The following RASGRP1 variants were observed in gnomAD, a reference collection of about 807,000 sequenced individuals.
The protein encoded by RASGRP1 is RAS guanyl releasing protein 1.
In RASGRP1, 37 loss-of-function variants were observed where a neutral mutation model predicts 95.1. The ratio of observed to expected loss-of-function variants is 0.39; its 90% confidence interval spans 0.30 to 0.51. RASGRP1 has a LOEUF of 0.51. Among genes scored for constraint, RASGRP1 ranks in the 20% least tolerant of loss-of-function variants. The pLI is 0.80. For synonymous variants in RASGRP1, 325 were observed against 353.4 expected (o/e 0.92, Z 0.90); for missense variants, 711 against 965.4 (o/e 0.74, Z 3.49).
intron 12 of RASGRP1, 143 bp from the exon 13 acceptor site, chr15:38,501,430 TG>T (rs1891016287): frequency 2.1e-6 from 2 of 935,738 alleles, no homozygotes; most frequent in Non-Finnish European, 1.7e-6. Context: ...ATTACTTCCA[TG>T]GGCCCTACTC....
At chr15:38,542,037 G>A (rs1284727654) in intron 2 of RASGRP1, among the ~76,000 whole-genome samples, 1 of 152,102 alleles carries the variant, frequency 6.6e-6, no homozygotes, top group African/African-American at 2.4e-5. Flanking sequence ...AACTAAGGCT[G>A]GGCCTGGGGT....
chr15:38,505,211 T>C (rs1891204446), intron 10 of RASGRP1, among the ~76,000 whole-genome samples: 1 of 152,082 alleles, frequency 6.6e-6, no homozygotes, highest in Non-Finnish European at 1.5e-5. Flanking sequence ...ACTGAAGTGA[T>C]TTTACTTGCC....
At chr15:38,560,362 C>A in intron 1 of RASGRP1, 1 of 265,042 alleles carries the variant, frequency 3.8e-6, no homozygotes, top group Non-Finnish European at 7.3e-6. Context: ...TGACTTGAAT[C>A]TTAAAAATTA....
chr15:38,537,916 C>G (rs747214286), intron 2 of RASGRP1, among the ~76,000 whole-genome samples: 2 of 152,178 alleles, frequency 1.3e-5, no homozygotes, highest in Non-Finnish European at 2.9e-5. Context: ...GAATCTCTTA[C>G]TATTCAAAGG....
intron 2 of RASGRP1, among the ~76,000 whole-genome samples, chr15:38,555,136 C>T (rs573330147): frequency 7.2e-5 from 11 of 152,300 alleles, no homozygotes; most frequent in Admixed American, 2.6e-4. Flanking sequence ...TTGCCTTTTG[C>T]GGCTCCCATT....
Position 38,523,290 on chromosome 15 carries a change from C to T in RASGRP1, c.326+3009G>A, listed in dbSNP as rs189214080. ...AGTTGAAAAATTCCTATTGCCTCAT[C>T]CTGTCTTCATAATCCTGACCCAATA... On this transcript the variant is annotated intron_variant, in intron 3 of 16. Coordinates refer to ENST00000310803, the MANE Select transcript of RASGRP1 (RefSeq NM_005739.4). Among the ~76,000 whole-genome samples the T allele has an allele frequency of 3.2e-3, 491 of 152,288 alleles. 7 individuals carry two copies. The highest frequency in any genetic ancestry group is 0.011 in the African/African-American group (459 of 41,550).
intron 2 of RASGRP1, among the ~76,000 whole-genome samples, chr15:38,536,576 G>C (rs1232478781): frequency 6.6e-6 from 1 of 152,162 alleles, no homozygotes; most frequent in Non-Finnish European, 1.5e-5. Flanking sequence ...GAGAATTACT[G>C]GTTAGCCATG....
At chr15:38,515,906 AGAGAGT>A (rs1053835695) in intron 6 of RASGRP1, among the ~76,000 whole-genome samples, 1 of 123,344 alleles carries the variant, frequency 8.1e-6, no homozygotes, top group Non-Finnish European at 1.9e-5. Flanking sequence ...AGAGAGAGAG[AGAGAGT>A]GTGTGTGTGT....
At chr15:38,555,892 A>G (rs916001104) in intron 2 of RASGRP1, among the ~76,000 whole-genome samples, 3 of 152,080 alleles carry the variant, frequency 2.0e-5, no homozygotes. Flanking sequence ...GCCCGTTCTG[A>G]GGCAGGTGTG....
chr15:38,551,906 G>T (rs1016436496), intron 2 of RASGRP1, among the ~76,000 whole-genome samples: 2 of 152,176 alleles, frequency 1.3e-5, no homozygotes, highest in East Asian at 3.8e-4. Context: ...CAAAAGCTTG[G>T]TTATAGACAC....
At chr15:38,542,923 A>G (rs535916088) in intron 2 of RASGRP1, among the ~76,000 whole-genome samples, 3 of 146,598 alleles carry the variant, frequency 2.0e-5, no homozygotes, top group African/African-American at 7.4e-5. Context: ...ATATGTGTGT[A>G]TATATATGTG....
intron 1 of RASGRP1, among the ~76,000 whole-genome samples, chr15:38,562,804 A>C (rs1893865767): frequency 6.6e-6 from 1 of 152,166 alleles, no homozygotes; most frequent in Admixed American, 6.5e-5. Flanking sequence ...CAAGACTCCT[A>C]ATCCTGCCCT....
chr15:38,555,284 T>C (rs1893509349), intron 2 of RASGRP1, among the ~76,000 whole-genome samples: 1 of 152,250 alleles, frequency 6.6e-6, no homozygotes, highest in Non-Finnish European at 1.5e-5. Flanking sequence ...TGGATAGCAT[T>C]AGTACAATTC....
chr15:38,506,622 C>A, intron 9 of RASGRP1, among the ~76,000 whole-genome samples: 1 of 117,122 alleles, frequency 8.5e-6, no homozygotes, highest in African/African-American at 3.3e-5. Flanking sequence ...GTCATAGAGC[C>A]AGACCTTGTC....
At chr15:38,543,245 T>G (rs1417205539) in intron 2 of RASGRP1, among the ~76,000 whole-genome samples, 2 of 151,932 alleles carry the variant, frequency 1.3e-5, no homozygotes, top group African/African-American at 4.8e-5. Flanking sequence ...TCACAGTTCA[T>G]TTTTTTTCAT....
chr15:38,492,572 C>A (rs1402271640), intron 16 of RASGRP1, among the ~76,000 whole-genome samples: 1 of 152,132 alleles, frequency 6.6e-6, no homozygotes, highest in Non-Finnish European at 1.5e-5. Context: ...TGGGAAAAGC[C>A]AGAAAGGCAT....
At chr15:38,535,228 G>T (rs1892598355) in intron 2 of RASGRP1, among the ~76,000 whole-genome samples, 1 of 152,088 alleles carries the variant, frequency 6.6e-6, no homozygotes, top group African/African-American at 2.4e-5. Flanking sequence ...CCAGCCCAAG[G>T]CTCTTTCTTT....
At chr15:38,501,485 C>T (rs753271497) in intron 12 of RASGRP1, 198 bp from the exon 13 acceptor site, 13 of 733,636 alleles carry the variant, frequency 1.8e-5, no homozygotes, top group South Asian at 4.4e-5. Context: ...GGTAAGGCAG[C>T]ATTACTCATT....
rs763402020 is a variant in RASGRP1, at chr15:38,507,761, A to G, written c.1207T>C (p.Leu403=). The G allele has an allele frequency of 1.9e-5, 30 of 1,590,452 alleles. No homozygotes were observed. The highest frequency in any genetic ancestry group is 5.3e-5 in the Admixed American group (3 of 56,240). Residue 403 remains leucine, a synonymous_variant, in exon 9 of 17, where the codon TTG becomes CTG. Coordinates refer to ENST00000310803, the MANE Select transcript of RASGRP1 (RefSeq NM_005739.4). ...LVQLQEVAPP[L]EANKDLVHLL... The stretch of plus-strand genomic sequence containing the variant: ...TGTACCAAGTCCTTGTTAGCCTCCA[A>G]GGGTGGGGCCACCTCTTGCAGCTGG...
Sources: gnomAD v4.1 joint callset for allele counts (sites outside exome capture counted in the v4.1 genomes callset) on GRCh38, gnomAD v4.1.1 for gene constraint, MANE v1.5 for transcripts, NCBI Gene and HGNC (gene_info 2026-07-23, HGNC 2026-07-21) for gene names.